ZPBP: variants seen among roughly 807,000 people sequenced by gnomAD.
ZPBP encodes zona pellucida-binding protein 1.
ZPBP carries 26 observed loss-of-function variants against 44.8 expected under a neutral mutation model. The observed-to-expected ratio is 0.58, with a 90% CI of 0.43 to 0.81. The LOEUF (loss-of-function observed/expected upper bound fraction) is 0.81, where lower values mean the gene tolerates loss of function less well. Ranked by LOEUF, ZPBP falls within the 30% of genes least tolerant of loss-of-function variation. ZPBP has a pLI of 0.00. For synonymous variants in ZPBP, 174 were observed against 153.2 expected (o/e 1.14, Z -1.00); for missense variants, 409 against 434.0 (o/e 0.94, Z 0.51).
chr7:50,047,468 C>A (rs1219027010), intron 4 of ZPBP, among the ~76,000 whole-genome samples: 1 of 151,878 alleles, frequency 6.6e-6, no homozygotes, highest in Non-Finnish European at 1.5e-5. Context: ...AGTACATATA[C>A]AATGTGGGGA....
chr7:49,946,030 G>A (rs1795090816), intron 7 of ZPBP, among the ~76,000 whole-genome samples: 1 of 151,962 alleles, frequency 6.6e-6, no homozygotes, highest in African/African-American at 2.4e-5. Context: ...CACGTAACCT[G>A]TTATTTTAAA....
downstream of ZPBP, among the ~76,000 whole-genome samples, chr7:49,933,123 T>A (rs1794503473): frequency 6.6e-6 from 1 of 152,162 alleles, no homozygotes; most frequent in South Asian, 2.1e-4. Context: ...TAAAATTATG[T>A]TAATGAAGTG....
At chr7:50,012,385 A>T (rs1798628651) in intron 6 of ZPBP, among the ~76,000 whole-genome samples, 1 of 152,068 alleles carries the variant, frequency 6.6e-6, no homozygotes, top group Admixed American at 6.6e-5. Flanking sequence ...GTAAACTAAT[A>T]ACTAAAAACA....
rs1448475115 is a variant in ZPBP, at chr7:50,020,690, CA to C, written c.707-2375del. ...ATAAAGAAGATAGGAATGATGCCAG[CA>C]AAAATAGTAAAGAAGAAAACTGCTG... is the stretch of plus-strand genomic sequence containing the variant. On this transcript the variant is annotated intron_variant, in intron 5 of 7. Coordinates refer to ENST00000046087, the MANE Select transcript of ZPBP (RefSeq NM_007009.3). 2.0e-5 allele frequency among the ~76,000 whole-genome samples: 3 copies of C among 151,980 alleles called. No homozygotes were observed. In the South Asian group the frequency reaches 6.2e-4, roughly 32 times the overall value.
chr7:50,031,656 T>C (rs1035436152), intron 4 of ZPBP, among the ~76,000 whole-genome samples: 1 of 152,182 alleles, frequency 6.6e-6, no homozygotes, highest in East Asian at 1.9e-4. Flanking sequence ...GAGCCTCTTT[T>C]ATTTACCTCA....
intron 3 of ZPBP, among the ~76,000 whole-genome samples, chr7:50,061,668 GAACA>G (rs1178845889): frequency 6.6e-6 from 1 of 152,160 alleles, no homozygotes; most frequent in African/African-American, 2.4e-5. Flanking sequence ...CCATCATCTT[GAACA>G]AACACTGCCA....
At chr7:49,852,806 C>T (rs554029492) in intron 2 of ZPBP, among the ~76,000 whole-genome samples, 1 of 152,218 alleles carries the variant, frequency 6.6e-6, no homozygotes, top group African/African-American at 2.4e-5. Flanking sequence ...ATGTGAGGAA[C>T]ATTTGGCCAT....
chr7:50,000,134 GAAAACTGTACAAATAA>G (rs1798030821), intron 6 of ZPBP, among the ~76,000 whole-genome samples: 1 of 152,028 alleles, frequency 6.6e-6, no homozygotes, highest in Non-Finnish European at 1.5e-5. Context: ...TAAGTACTAT[GAAAACTGTACAAATAA>G]AAGTAGTCAA....
intron 7 of ZPBP, 127 bp downstream of exon 7, chr7:49,983,215 A>T (rs891461911): frequency 6.9e-6 from 6 of 867,534 alleles, no homozygotes; most frequent in Non-Finnish European, 1.1e-5. Context: ...CAAATACACT[A>T]CTTTAAATAA....
intron 1 of ZPBP, among the ~76,000 whole-genome samples, chr7:49,909,705 A>G (rs1202988989): frequency 6.6e-6 from 1 of 152,190 alleles, no homozygotes; most frequent in African/African-American, 2.4e-5. Flanking sequence ...AATTGGAACT[A>G]AAATTTGGGA....
chr7:49,857,676 T>G (rs1458806955), intron 2 of ZPBP, among the ~76,000 whole-genome samples: 1 of 152,082 alleles, frequency 6.6e-6, no homozygotes. Context: ...ATGGGGAAAT[T>G]AGAACCCTTG....
intron 4 of ZPBP, among the ~76,000 whole-genome samples, chr7:50,031,697 C>T (rs1005656978): frequency 2.0e-5 from 3 of 152,106 alleles, no homozygotes; most frequent in African/African-American, 7.2e-5. Context: ...AGGTACAACA[C>T]TTCTCTAAGT....
chr7:49,869,625 G>C (rs1304507834), intron 2 of ZPBP, among the ~76,000 whole-genome samples: 1 of 152,078 alleles, frequency 6.6e-6, no homozygotes, highest in African/African-American at 2.4e-5. Context: ...TCCTAAAAAA[G>C]GATCTGTTTG....
chr7:50,003,771 G>A (rs543469145), intron 6 of ZPBP, among the ~76,000 whole-genome samples: 4 of 151,988 alleles, frequency 2.6e-5, no homozygotes, highest in African/African-American at 9.6e-5. Flanking sequence ...GTGGCTATTT[G>A]TTAAACACTC....
intron 2 of ZPBP, among the ~76,000 whole-genome samples, chr7:49,888,682 G>A (rs1360707269): frequency 6.6e-6 from 1 of 152,140 alleles, no homozygotes; most frequent in African/African-American, 2.4e-5. Context: ...AGGCCTAGGT[G>A]GGTGGATCAC....
chr7:49,933,234 A>G (rs1794506092), downstream of ZPBP, among the ~76,000 whole-genome samples: 1 of 152,136 alleles, frequency 6.6e-6, no homozygotes, highest in Admixed American at 6.5e-5. Flanking sequence ...AAAGTAGGAA[A>G]TTTACCAAAA....
In ZPBP at chr7:49,987,728, TTGTGTGTGTGTGTGTG is replaced by T. The variant is rs55971066; in HGVS notation, c.784-4225_784-4210del. Among the ~76,000 whole-genome samples, 289 of 145,656 alleles carry T rather than the reference TTGTGTGTGTGTGTGTG, an allele frequency of 2.0e-3. 2 individuals carry two copies. Among genetic ancestry groups the T allele is most frequent in the African/African-American group, 6.3e-3 (246 of 39,234 alleles). ...GCCTTTCTGTGTAGTTATATATGTG[TTGTGTGTGTGTGTGTG>T]TGTGTGTGTGTGTGTGTGTGTGTGT... On this transcript the variant is annotated intron_variant, in intron 6 of 7. Coordinates refer to ENST00000046087, the MANE Select transcript of ZPBP (RefSeq NM_007009.3).
At chr7:50,059,587 C>G (rs1331756226) in intron 3 of ZPBP, among the ~76,000 whole-genome samples, 1 of 152,078 alleles carries the variant, frequency 6.6e-6, no homozygotes, top group African/African-American at 2.4e-5. Context: ...TGTATTTCAG[C>G]AGAAACACCT....
chr7:50,052,626 A>T (rs56367804), intron 4 of ZPBP, among the ~76,000 whole-genome samples: 1,897 of 152,280 alleles, frequency 0.012, 46 homozygotes, highest in African/African-American at 0.043. Flanking sequence ...ATAAATACTT[A>T]TGTCTATAGA....
Sources: gnomAD v4.1 joint callset for allele counts (sites outside exome capture counted in the v4.1 genomes callset) on GRCh38, gnomAD v4.1.1 for gene constraint, MANE v1.5 for transcripts, NCBI Gene and HGNC (gene_info 2026-07-23, HGNC 2026-07-21) for gene names.